Variants in ANG observed in about 807,000 individuals in gnomAD.
The protein encoded by ANG is Homo sapiens epididymis luminal protein 168.
For synonymous variants in ANG, 74 were observed against 73.8 expected, an observed-to-expected ratio of 1.00 and a Z score of -0.02; for missense variants, 178 against 187.4, an observed-to-expected ratio of 0.95 and a Z score of 0.29.
Position 20,693,352 on chromosome 14 carries a change from A to G in ANG, c.-18-195A>G, listed in dbSNP as rs532701199. 618 of 674,334 alleles carry G rather than the reference A, an allele frequency of 9.2e-4. 2 individuals are homozygous for G. Among genetic ancestry groups the G allele is most frequent in the Non-Finnish European group, 1.3e-3 (533 of 398,568 alleles). The allele number at this position is 674,334 out of a possible 1,614,324, so 41.8% of individuals were successfully genotyped here. A position where few individuals can be genotyped will look rare whatever the true frequency, so the allele number is the denominator to read the frequency against. On this transcript the variant is annotated intron_variant, in intron 1 of 1. Transcript: ENST00000397990. ...TGGAGCTAGAGGTTGTGCTCAGGAA[A>G]CTATTAAATAGACGTTCCGCAGGAA...
chr14:20,692,997 G>A (rs566241114), intron 1 of ANG, among the ~76,000 whole-genome samples: 31 of 151,860 alleles, frequency 2.0e-4, no homozygotes, highest in Middle Eastern at 6.8e-3. Context: ...ACAGGCGCCC[G>A]CCACTACGCC....
At chr14:20,688,043 A>T (rs572142151), upstream of ANG, among the ~76,000 whole-genome samples, 5 of 152,342 alleles carry the variant, frequency 3.3e-5, no homozygotes, top group African/African-American at 1.2e-4. Flanking sequence ...CAAGCAATGG[A>T]TCTACAGCCC....
At position 20,688,852 on chromosome 14, in the gene ANG, T is replaced by A. The variant is rs994604988; in HGVS notation, c.-41T>A. 1 of 985,406 alleles carries A rather than the reference T, an allele frequency of 1.0e-6. No individual in the cohort carries two copies. Among genetic ancestry groups the A allele is most frequent in the African/African-American group, 1.7e-5 (1 of 57,364 alleles). 61.0% of individuals were successfully genotyped at this position (985,406 alleles called of 1,614,324 possible). A position where few individuals can be genotyped will look rare whatever the true frequency, so the allele number is the denominator to read the frequency against. The stretch of plus-strand genomic sequence containing the variant: ...TCCCGTTGAAGGGAAACTGCCAGAT[T>A]TTTGTAAGATTCTTCCTCCTGGGTA... On this transcript the variant is annotated 5_prime_UTR_variant, in exon 1 of 2. Coordinates refer to ENST00000397990, the MANE Select transcript of ANG (RefSeq NM_001097577.3).
chr14:20,685,435 A>T (rs1010414160), upstream of ANG, among the ~76,000 whole-genome samples: 6 of 152,180 alleles, frequency 3.9e-5, no homozygotes, highest in South Asian at 2.1e-4. Flanking sequence ...TGACAGTAAA[A>T]ATCTTATAAT....
upstream of ANG, among the ~76,000 whole-genome samples, chr14:20,685,709 G>A (rs1195583703): frequency 6.6e-6 from 1 of 152,126 alleles, no homozygotes; most frequent in Non-Finnish European, 1.5e-5. Context: ...CCCCTTTAAA[G>A]TTAGCTCTGA....
chr14:20,689,775 G>T (rs1886615183), intron 1 of ANG, among the ~76,000 whole-genome samples: 1 of 152,078 alleles, frequency 6.6e-6, no homozygotes, highest in Non-Finnish European at 1.5e-5. Flanking sequence ...AATTAGCCAA[G>T]CGTGGTGGTG....
In ANG at chr14:20,693,996, C is replaced by T; in HGVS notation, c.432C>T (p.Phe144=). Residue 144 remains phenylalanine (F), a synonymous_variant, in exon 2 of 2, where the codon TTC becomes TTT. Coordinates refer to ENST00000397990, the MANE Select transcript of ANG (RefSeq NM_001097577.3). ...CTGTCCACTTGGATCAGTCAATTTT[C>T]CGTCGTCCGTAACCAGCGGGCCCCT... ...GLPVHLDQSI[F]RRP The T allele has an allele frequency of 6.2e-7, 1 of 1,614,124 alleles. No individual in the cohort carries two copies. Among genetic ancestry groups the T allele is most frequent in the South Asian group, 1.1e-5 (1 of 91,084 alleles).
chr14:20,690,476 A>ATT (rs1886688485), intron 1 of ANG, among the ~76,000 whole-genome samples: 1 of 152,124 alleles, frequency 6.6e-6, no homozygotes, highest in Non-Finnish European at 1.5e-5. Flanking sequence ...TGAGGAATTT[A>ATT]GAGTTGAATA....
intron 1 of ANG, 86 bp from the exon 2 acceptor site, chr14:20,693,461 G>A (rs1282392186): frequency 2.9e-5 from 44 of 1,539,896 alleles, no homozygotes; most frequent in Middle Eastern, 2.3e-4. Flanking sequence ...TCATGATGCC[G>A]TGTCAGAGAG....
chr14:20,686,039 TAAAA>T (rs11378368), upstream of ANG, among the ~76,000 whole-genome samples: 3,081 of 137,948 alleles, frequency 0.022, 66 homozygotes, highest in East Asian at 0.094. Context: ...GACTCCGTCT[TAAAA>T]AAAAAAAAAA....
upstream of ANG, among the ~76,000 whole-genome samples, chr14:20,686,157 A>G (rs1449569808): frequency 6.6e-6 from 1 of 152,154 alleles, no homozygotes; most frequent in African/African-American, 2.4e-5. Flanking sequence ...CTCTTCTTTA[A>G]TATGAGGGGT....
chr14:20,690,022 T>A (rs889289396), intron 1 of ANG, among the ~76,000 whole-genome samples: 1 of 145,954 alleles, frequency 6.9e-6, no homozygotes, highest in Non-Finnish European at 1.5e-5. Context: ...GAGACCATCC[T>A]GGCTAACAAG....
intron 1 of ANG, among the ~76,000 whole-genome samples, chr14:20,690,031 A>C (rs1167342846): frequency 1.4e-5 from 2 of 147,548 alleles, no homozygotes; most frequent in Non-Finnish European, 1.5e-5. Context: ...CTGGCTAACA[A>C]GGTGAAACCC....
chr14:20,688,815 C>T lies in ANG; in HGVS notation c.-78C>T. The T allele has an allele frequency of 2.0e-6, 2 of 985,406 alleles. No individual in the cohort carries two copies. Among genetic ancestry groups the T allele is most frequent in the Non-Finnish European group, 2.4e-6 (2 of 829,930 alleles). The allele number at this position is 985,406 out of a possible 1,614,324, so 61.0% of individuals were successfully genotyped here. ...GGAACCCATCTCCAGGAACAAACAG[C>T]TGGAACCCATCTCCCGTTGAAGGGA... On this transcript the variant is annotated 5_prime_UTR_variant, in exon 1 of 2. Coordinates refer to ENST00000397990, the MANE Select transcript of ANG (RefSeq NM_001097577.3).
chr14:20,689,738 G>A (rs966482595), intron 1 of ANG, among the ~76,000 whole-genome samples: 10 of 152,028 alleles, frequency 6.6e-5, no homozygotes, highest in Admixed American at 3.9e-4. Flanking sequence ...CCGACATGGC[G>A]AAACCCCGTC....
chr14:20,693,014 A>AT lies in ANG; in HGVS notation c.-18-527dup, dbSNP rs546936827. On this transcript the variant is annotated intron_variant, in intron 1 of 1. Transcript: ENST00000397990. ...AGGCGCCCGCCACTACGCCCGGCTA[A>AT]TTTTTTGTATTTTTAGTAGAGACGG... Among the ~76,000 whole-genome samples, 9 of 151,386 alleles carry AT rather than the reference A, an allele frequency of 5.9e-5. No individual in the cohort carries two copies. In the South Asian group the frequency reaches 1.9e-3, roughly 32 times the overall value.
intron 1 of ANG, 200 bp from the exon 2 acceptor site, chr14:20,693,347 A>G: frequency 1.5e-6 from 1 of 662,204 alleles, no homozygotes; most frequent in East Asian, 2.7e-5. Context: ...GGTTGTGCTC[A>G]GGAAACTATT....
In ANG at chr14:20,694,139, G is replaced by A; in HGVS notation, c.*131G>A. The A allele has an allele frequency of 1.0e-6, 1 of 960,366 alleles. No individual in the cohort carries two copies. Among genetic ancestry groups the A allele is most frequent in the Non-Finnish European group, 1.7e-6 (1 of 603,038 alleles). The allele number at this position is 960,366 out of a possible 1,614,324, so 59.5% of individuals were successfully genotyped here. On this transcript the variant is annotated 3_prime_UTR_variant, in exon 2 of 2. Coordinates refer to ENST00000397990, the MANE Select transcript of ANG (RefSeq NM_001097577.3). Reference sequence around the variant, plus strand: ...GAGCTACCTGGACCTTTTGTTTTCTGTTTGACAACATGTTTAATAAATAAA... The same window carrying A: ...GAGCTACCTGGACCTTTTGTTTTCTATTTGACAACATGTTTAATAAATAAA...
chr14:20,692,591 T>C (rs1367528695), intron 1 of ANG, among the ~76,000 whole-genome samples: 3 of 152,214 alleles, frequency 2.0e-5, no homozygotes, highest in Admixed American at 6.5e-5. Context: ...TTGTGCACTC[T>C]TTATGAGAAT....
Sources: allele counts gnomAD v4.1 joint callset (sites outside exome capture counted in the v4.1 genomes callset), GRCh38; gene constraint gnomAD v4.1.1; transcripts MANE v1.5; gene names NCBI Gene and HGNC (gene_info 2026-07-23, HGNC 2026-07-21).